Variants in PRKDC observed in about 807,000 individuals in gnomAD.
PRKDC encodes the protein protein kinase, DNA-activated, catalytic subunit, also known as DNA-dependent protein kinase catalytic subunit.
PRKDC carries 82 observed loss-of-function variants against 486.9 expected under a neutral mutation model. The observed-to-expected ratio is 0.17, with a 90% CI of 0.14 to 0.20. The LOEUF is 0.20. Ranked by LOEUF, PRKDC falls within the 10% of genes least tolerant of loss-of-function variation. PRKDC has a pLI of 1.00. For synonymous variants in PRKDC, 1,895 were observed against 1,837.0 expected, an observed-to-expected ratio of 1.03 and a Z score of -0.81; for missense variants, 4,504 against 5,038.2, an observed-to-expected ratio of 0.89 and a Z score of 3.21.
Position 47,854,079 on chromosome 8 carries a change from G to C in PRKDC, c.6893+4C>G. The C allele has an allele frequency of 6.2e-7, 1 of 1,613,578 alleles. No individual in the cohort carries two copies. Among genetic ancestry groups the C allele is most frequent in the Non-Finnish European group, 8.5e-7 (1 of 1,179,730 alleles). On this transcript the variant is annotated splice_donor_region_variant and intron_variant, in intron 51 of 85. Transcript: ENST00000314191. ...ACCTAAAAAATAATCAAGCAAACACGTACTCGCTACTCTGGATGCCACACT... is the reference window on the plus strand; with the variant it reads ...ACCTAAAAAATAATCAAGCAAACACCTACTCGCTACTCTGGATGCCACACT...
At chr8:47,792,695 G>A (rs955044725) in intron 74 of PRKDC, among the ~76,000 whole-genome samples, 1 of 152,058 alleles carries the variant, frequency 6.6e-6, no homozygotes, top group African/African-American at 2.4e-5. Context: ...CACACTGTAT[G>A]CCTGTATCAA....
Position 47,902,790 on chromosome 8 carries a change from T to C in PRKDC, c.3048A>G (p.Gly1016=). 6.2e-7 allele frequency: 1 copy of C among 1,600,518 alleles called. No individual in the cohort carries two copies. Among genetic ancestry groups the C allele is most frequent in the South Asian group, 1.1e-5 (1 of 88,518 alleles). ...TVALLEAILD[G]IVDPVDSTLR... ...AAGTACTGTCAACAGGGTCCACAAT[T>C]CCATCCTGAAACAAAACAAAGAGAC... Residue 1016 remains glycine, a synonymous_variant, in exon 27 of 86, where the codon GGA becomes GGG. Transcript: ENST00000314191.
At chr8:47,929,473 G>C (rs747392421) in intron 18 of PRKDC, among the ~76,000 whole-genome samples, 2 of 152,180 alleles carry the variant, frequency 1.3e-5, no homozygotes, top group African/African-American at 2.4e-5. Context: ...CTGGAGCGTC[G>C]AGAATGCTAA....
intron 4 of PRKDC, among the ~76,000 whole-genome samples, chr8:47,955,431 C>G (rs1414110860): frequency 7.9e-6 from 1 of 126,490 alleles, no homozygotes; most frequent in Non-Finnish European, 1.6e-5. Context: ...CACTGCACTC[C>G]AGCCTGGGCG....
At chr8:47,834,125 G>A (rs751304593) in intron 59 of PRKDC, 71 bp downstream of exon 59, 3 of 1,557,998 alleles carry the variant, frequency 1.9e-6, no homozygotes, top group African/African-American at 1.4e-5. Flanking sequence ...AGTCAGAAAT[G>A]TCCCCAGACC....
In PRKDC at chr8:47,778,740, G is replaced by T; in HGVS notation, c.11639C>A (p.Ala3880Asp). 6.2e-7 allele frequency: 1 copy of T among 1,613,816 alleles called. No individual in the cohort carries two copies. Among genetic ancestry groups the T allele is most frequent in the Non-Finnish European group, 8.5e-7 (1 of 1,179,808 alleles). The stretch of plus-strand genomic sequence containing the variant: ...GAAGGGTACTTACTTTAAGAGATCA[G>T]CAGGCACTTTACTTTCTCGTTTTCT... ...SFRKRESKVP[A>D]DLLKRAFVRM... is the part of the protein sequence containing the mutation. Residue 3880 changes from alanine (A) to aspartate (D), a missense_variant, in exon 82 of 86, where the codon GCT becomes GAT. Coordinates refer to ENST00000314191, the MANE Select transcript of PRKDC (RefSeq NM_006904.7).
intron 7 of PRKDC, among the ~76,000 whole-genome samples, chr8:47,945,083 G>GC (rs1393994586): frequency 6.6e-6 from 1 of 152,138 alleles, no homozygotes; most frequent in Non-Finnish European, 1.5e-5. Flanking sequence ...GTTAATAAAC[G>GC]CAAGTGTGCA....
rs368215109 is a variant in PRKDC, at chr8:47,898,472, C to T, written c.3462G>A (p.Pro1154=). The T allele has an allele frequency of 4.0e-5, 62 of 1,551,558 alleles. No individual in the cohort carries two copies. In the African/African-American group the frequency reaches 5.2e-4, roughly 13 times the overall value. The change falls in exon 29 of 86, where the codon CCG becomes CCA. Residue 1154 remains proline (P), a splice_region_variant and synonymous_variant. Transcript: ENST00000314191. ...SLNKAKKRRL[P]RGFPPSASLC... ...GAAAAGGAAGCAAGATCACCTACCG[C>T]GGCAAACGTCGTTTCTTTGCTTTAT...
intron 65 of PRKDC, 102 bp from the exon 66 acceptor site, chr8:47,821,045 G>C: frequency 2.8e-6 from 2 of 711,852 alleles, no homozygotes; most frequent in South Asian, 8.6e-5. Context: ...CACAGGTCAA[G>C]ATTTAAAGTC....
chr8:47,873,611 G>A (rs561196937), intron 40 of PRKDC, among the ~76,000 whole-genome samples: 3 of 152,294 alleles, frequency 2.0e-5, no homozygotes, highest in South Asian at 2.1e-4. Context: ...TGGAAGCAAC[G>A]TATGTGTCCA....
At position 47,939,635 on chromosome 8, in the gene PRKDC, C is replaced by T. The variant is rs1386318152; in HGVS notation, c.1029G>A (p.Glu343=). The T allele has an allele frequency of 1.9e-6, 3 of 1,613,220 alleles. No individual in the cohort carries two copies. The highest frequency in any genetic ancestry group is 2.2e-5 in the South Asian group (2 of 91,008). Residue 343 remains glutamate, a synonymous_variant, in exon 11 of 86, where the codon GAG becomes GAA. Coordinates refer to ENST00000314191, the MANE Select transcript of PRKDC (RefSeq NM_006904.7). ...CATTTCTGATGATTCCATAAAACTG[C>T]TCCATAAAGTACTGCAGTTTATTTT... ...MHKNKLQYFM[E]QFYGIIRNVD... is the part of the protein sequence containing the mutation.
intron 40 of PRKDC, among the ~76,000 whole-genome samples, chr8:47,873,630 C>T (rs1371007268): frequency 6.6e-6 from 1 of 152,018 alleles, no homozygotes; most frequent in Non-Finnish European, 1.5e-5. Context: ...CATCAACAGA[C>T]AAATGGATAA....
In PRKDC at chr8:47,959,496, G is replaced by A. The variant is rs866285974; in HGVS notation, c.154+477C>T. On this transcript the variant is annotated intron_variant, in intron 1 of 85. Coordinates refer to ENST00000314191, the MANE Select transcript of PRKDC (RefSeq NM_006904.7). Reference sequence around the variant, plus strand: ...GTTCGAGACCAGCCTGACCAACATGGTGAAACCCCATCTCTACTAAAAATA... The same window carrying A: ...GTTCGAGACCAGCCTGACCAACATGATGAAACCCCATCTCTACTAAAAATA... 3.9e-5 allele frequency among the ~76,000 whole-genome samples: 6 copies of A among 152,018 alleles called. No individual in the cohort carries two copies. In the Middle Eastern group the frequency reaches 0.017, roughly 431 times the overall value.
chr8:47,859,591 A>G lies in PRKDC; in HGVS notation c.6207+20T>C. 8.1e-6 allele frequency: 13 copies of G among 1,606,944 alleles called. No individual in the cohort carries two copies. Among genetic ancestry groups the G allele is most frequent in the Non-Finnish European group, 1.1e-5 (13 of 1,175,388 alleles). ...TCACAAACATCGACAATATTCTTTTAGTATGTGAAATGTGATCACCCGTCT... is the reference window on the plus strand; with the variant it reads ...TCACAAACATCGACAATATTCTTTTGGTATGTGAAATGTGATCACCCGTCT... On this transcript the variant is annotated intron_variant, in intron 46 of 85. Coordinates refer to ENST00000314191, the MANE Select transcript of PRKDC (RefSeq NM_006904.7).
At chr8:47,815,239 C>G (rs915978726) in intron 68 of PRKDC, among the ~76,000 whole-genome samples, 1 of 152,114 alleles carries the variant, frequency 6.6e-6, no homozygotes, top group African/African-American at 2.4e-5. Context: ...GTGAAAAAAA[C>G]ACAAAGCAAG....
intron 76 of PRKDC, among the ~76,000 whole-genome samples, chr8:47,787,209 T>C (rs2154497718): frequency 6.6e-6 from 1 of 152,316 alleles, no homozygotes; most frequent in South Asian, 2.1e-4. Context: ...CCTGATCATC[T>C]CTAATTAGAA....
intron 25 of PRKDC, among the ~76,000 whole-genome samples, chr8:47,909,116 T>A (rs991941586): frequency 1.1e-4 from 17 of 152,226 alleles, no homozygotes; most frequent in Admixed American, 9.8e-4. Flanking sequence ...CTGGCCCATC[T>A]TCAGCCATAA....
chr8:47,883,442 T>C (rs983523747), intron 36 of PRKDC, among the ~76,000 whole-genome samples: 1 of 152,158 alleles, frequency 6.6e-6, no homozygotes, highest in African/African-American at 2.4e-5. Context: ...GGCCCTCTTC[T>C]ACCTGGAAAC....
At chr8:47,781,649 T>C (rs930739915) in intron 80 of PRKDC, among the ~76,000 whole-genome samples, 3 of 151,990 alleles carry the variant, frequency 2.0e-5, no homozygotes, top group Admixed American at 6.6e-5. Context: ...ACTTGGAAAA[T>C]AGAGAAAAGG....
Sources: gnomAD v4.1 joint callset for allele counts (sites outside exome capture counted in the v4.1 genomes callset) on GRCh38, gnomAD v4.1.1 for gene constraint, MANE v1.5 for transcripts, NCBI Gene and HGNC (gene_info 2026-07-23, HGNC 2026-07-21) for gene names.